ULK4: variants seen among roughly 807,000 people sequenced by gnomAD.
ULK4 encodes unc-51 like kinase 4.
Under a neutral mutation model 160.6 loss-of-function variants are expected in ULK4, and 133 were observed. The observed-to-expected ratio is 0.83, with a 90% CI of 0.72 to 0.96. ULK4 has a LOEUF of 0.96. Among genes scored for constraint, ULK4 ranks in the 40% least tolerant of loss-of-function variants. ULK4 has a pLI of 0.00. For missense variants in ULK4, 1,580 were observed against 1,499.5 expected (o/e 1.05, Z -0.89); for synonymous variants, 534 against 539.8 (o/e 0.99, Z 0.15).
intron 27 of ULK4, among the ~76,000 whole-genome samples, chr3:41,703,635 GAAATAA>G: frequency 6.6e-6 from 1 of 151,556 alleles, no homozygotes. Flanking sequence ...AAAAAGAAAG[GAAATAA>G]AAATAATTAC....
intron 32 of ULK4, among the ~76,000 whole-genome samples, chr3:41,549,273 C>G (rs1691967): frequency 0.51 from 77,389 of 151,502 alleles, 19,827 homozygotes; most frequent in Middle Eastern, 0.57. Flanking sequence ...AAATATAAGA[C>G]AATACAAATG....
intron 34 of ULK4, among the ~76,000 whole-genome samples, chr3:41,450,873 T>C (rs1269232683): frequency 1.3e-5 from 2 of 152,204 alleles, no homozygotes; most frequent in Non-Finnish European, 2.9e-5. Flanking sequence ...GTTCCAATGA[T>C]AAATGTGTAT....
At chr3:41,885,471 G>C (rs1481991664) in intron 16 of ULK4, among the ~76,000 whole-genome samples, 2 of 151,982 alleles carry the variant, frequency 1.3e-5, no homozygotes, top group African/African-American at 4.8e-5. Context: ...GGTTTTCTCA[G>C]GTCACCATTT....
intron 22 of ULK4, among the ~76,000 whole-genome samples, chr3:41,722,916 G>A (rs1240457252): frequency 6.6e-6 from 1 of 152,132 alleles, no homozygotes; most frequent in Non-Finnish European, 1.5e-5. Context: ...TGGTACACAT[G>A]TGCAAGAGTT....
chr3:41,431,291 T>G (rs1033907664), intron 34 of ULK4, among the ~76,000 whole-genome samples: 4 of 151,322 alleles, frequency 2.6e-5, no homozygotes, highest in African/African-American at 4.9e-5. Flanking sequence ...GAGGTTGCAG[T>G]GAACCAAGAT....
chr3:41,403,865 T>G (rs930339765), intron 34 of ULK4, among the ~76,000 whole-genome samples: 1 of 152,188 alleles, frequency 6.6e-6, no homozygotes, highest in Non-Finnish European at 1.5e-5. Flanking sequence ...GTTATCAGTG[T>G]GTTTACTTTT....
chr3:41,595,283 C>T (rs1260437713), intron 31 of ULK4, among the ~76,000 whole-genome samples: 1 of 152,148 alleles, frequency 6.6e-6, no homozygotes, highest in East Asian at 1.9e-4. Context: ...TGACCTCTTC[C>T]TCTTCCTGCC....
At chr3:41,331,265 G>A (rs560301461) in intron 35 of ULK4, among the ~76,000 whole-genome samples, 11 of 152,318 alleles carry the variant, frequency 7.2e-5, no homozygotes, top group African/African-American at 2.6e-4. Flanking sequence ...TGGCACAGCA[G>A]TGATGCATGT....
chr3:41,753,758 T>A (rs898583449), intron 22 of ULK4, among the ~76,000 whole-genome samples: 4 of 152,246 alleles, frequency 2.6e-5, no homozygotes, highest in South Asian at 4.1e-4. Flanking sequence ...CTGCTTTGGA[T>A]TGTTCTCAGA....
intron 22 of ULK4, among the ~76,000 whole-genome samples, chr3:41,746,186 G>C (rs939768134): frequency 6.9e-6 from 1 of 143,924 alleles, no homozygotes; most frequent in African/African-American, 2.7e-5. Context: ...AAAAATAAAG[G>C]GCACACAAAC....
chr3:41,375,700 C>T (rs1444232621), intron 35 of ULK4, among the ~76,000 whole-genome samples: 1 of 150,218 alleles, frequency 6.7e-6, no homozygotes, highest in Non-Finnish European at 1.5e-5. Context: ...TAGCCAATAC[C>T]ATTCAGGACA....
At chr3:41,722,565 A>G (rs2037510996) in intron 22 of ULK4, among the ~76,000 whole-genome samples, 1 of 152,184 alleles carries the variant, frequency 6.6e-6, no homozygotes, top group Admixed American at 6.6e-5. Context: ...TGGGAGGCAG[A>G]GGTTGCAATA....
chr3:41,861,128 A>G (rs1213510863), intron 17 of ULK4, among the ~76,000 whole-genome samples: 1 of 151,932 alleles, frequency 6.6e-6, no homozygotes, highest in East Asian at 1.9e-4. Flanking sequence ...TGATACAGTT[A>G]TTACTTTTGA....
chr3:41,319,821 T>C (rs150029796), intron 35 of ULK4, among the ~76,000 whole-genome samples: 2 of 152,294 alleles, frequency 1.3e-5, no homozygotes, highest in Non-Finnish European at 2.9e-5. Flanking sequence ...CCCAGAAACA[T>C]TACATGAATA....
intron 17 of ULK4, among the ~76,000 whole-genome samples, chr3:41,879,670 G>T (rs1224033135): frequency 2.6e-5 from 4 of 152,032 alleles, no homozygotes; most frequent in African/African-American, 4.8e-5. Context: ...TAGAGACAGG[G>T]TCTCCTTATG....
At chr3:41,823,555 T>C (rs1379322328) in intron 18 of ULK4, among the ~76,000 whole-genome samples, 2 of 152,208 alleles carry the variant, frequency 1.3e-5, no homozygotes. Flanking sequence ...AGAATCACAC[T>C]CTGGTCTTCT....
intron 16 of ULK4, among the ~76,000 whole-genome samples, chr3:41,886,739 C>G (rs1192609222): frequency 6.6e-6 from 1 of 152,062 alleles, no homozygotes; most frequent in African/African-American, 2.4e-5. Context: ...CCATGCCCAG[C>G]TCATTTTTGT....
chr3:41,355,550 C>T (rs9842536), intron 35 of ULK4, among the ~76,000 whole-genome samples: 39,353 of 152,034 alleles, frequency 0.26, 5,352 homozygotes, highest in South Asian at 0.4. Flanking sequence ...ACTGTCAAGA[C>T]TGTTGTTTGA....
intron 21 of ULK4, among the ~76,000 whole-genome samples, chr3:41,777,010 C>A (rs2039653275): frequency 8.0e-5 from 1 of 12,562 alleles, no homozygotes; most frequent in African/African-American, 6.9e-4. Context: ...CCAGTTCCTC[C>A]TTGTACCTCT....
Sources: allele counts gnomAD v4.1 joint callset (sites outside exome capture counted in the v4.1 genomes callset), GRCh38; gene constraint gnomAD v4.1.1; transcripts MANE v1.5; gene names NCBI Gene and HGNC (gene_info 2026-07-23, HGNC 2026-07-21).